The following AHDC1 variants were observed in gnomAD, a reference collection of about 807,000 sequenced individuals.
AHDC1 encodes the protein AT-hook DNA binding motif containing 1, also known as transcription factor Gibbin.
Under a neutral mutation model 87.9 loss-of-function variants are expected in AHDC1, and 7 were observed. The ratio of observed to expected loss-of-function variants is 0.08; its 90% CI spans 0.05 to 0.15. AHDC1 has a LOEUF of 0.15. Ranked by LOEUF, AHDC1 falls within the 10% of genes least tolerant of loss-of-function variation. The pLI is 1.00. For synonymous variants in AHDC1, 1,051 were observed against 1,006.8 expected, an observed-to-expected ratio of 1.04 and a Z score of -0.83; for missense variants, 1,841 against 2,253.2, an observed-to-expected ratio of 0.82 and a Z score of 3.70.
At position 27,550,590 on chromosome 1, in the gene AHDC1, A is replaced by G. The variant is rs980635298; in HGVS notation, c.1526T>C (p.Leu509Pro). The change falls in exon 8 of 9, where the codon CTG (leucine) becomes CCG (proline). Residue 509 changes from leucine (L) to proline (P), a missense_variant. By Grantham distance (98) the Leu-to-Pro change is moderately conservative. Coordinates refer to ENST00000673934, the MANE Select transcript of AHDC1 (RefSeq NM_001371928.1). ...SSSLSVEGKE[L>P]GLRVSAEPTP... ...GGGCTCAGCCGACACGCGCAGGCCCAGCTCCTTGCCCTCCACGCTCAGGCT... is the reference window on the plus strand; with the variant it reads ...GGGCTCAGCCGACACGCGCAGGCCCGGCTCCTTGCCCTCCACGCTCAGGCT... The G allele has an allele frequency of 6.2e-7, 1 of 1,613,806 alleles. No homozygotes were observed. Among genetic ancestry groups the G allele is most frequent in the Non-Finnish European group, 8.5e-7 (1 of 1,180,050 alleles).
At chr1:27,546,893 C>G (rs1027396748) in intron 8 of AHDC1, among the ~76,000 whole-genome samples, 1 of 152,154 alleles carries the variant, frequency 6.6e-6, no homozygotes, top group Non-Finnish European at 1.5e-5. Flanking sequence ...AAATGCCCAC[C>G]CTTATCAGCG....
At chr1:27,572,429 G>A (rs1357968219) in intron 3 of AHDC1, among the ~76,000 whole-genome samples, 2 of 152,096 alleles carry the variant, frequency 1.3e-5, no homozygotes, top group East Asian at 3.8e-4. Context: ...ACCACCGGAT[G>A]GTCCCAGTAC....
chr1:27,566,673 AG>A (rs1055210226), intron 3 of AHDC1, among the ~76,000 whole-genome samples: 2 of 44,976 alleles, frequency 4.4e-5, no homozygotes, highest in South Asian at 1.5e-3. Context: ...GTGAGGAGGG[AG>A]GGGGGTGGAG....
intron 3 of AHDC1, among the ~76,000 whole-genome samples, chr1:27,566,667 G>C (rs1258261469): frequency 7.0e-6 from 1 of 142,716 alleles, no homozygotes; most frequent in Non-Finnish European, 1.5e-5. Context: ...GCAGAGGTGA[G>C]GAGGGAGGGG....
chr1:27,570,832 T>G (rs1017464465), intron 3 of AHDC1, among the ~76,000 whole-genome samples: 15 of 152,100 alleles, frequency 9.9e-5, no homozygotes. Context: ...CCCCAGCTTC[T>G]TGGCTCCCCC....
At chr1:27,545,832 G>A (rs895562736) in intron 8 of AHDC1, among the ~76,000 whole-genome samples, 1 of 152,120 alleles carries the variant, frequency 6.6e-6, no homozygotes. Context: ...TCCTTGAAAA[G>A]ATGGGGAAAC....
intron 3 of AHDC1, among the ~76,000 whole-genome samples, chr1:27,584,878 A>G (rs902559501): frequency 1.3e-5 from 2 of 152,112 alleles, no homozygotes; most frequent in African/African-American, 4.8e-5. Flanking sequence ...TAGGGCATCA[A>G]GGGGGCAGGA....
At chr1:27,574,010 A>AGG (rs1182355725) in intron 3 of AHDC1, among the ~76,000 whole-genome samples, 2 of 152,166 alleles carry the variant, frequency 1.3e-5, no homozygotes, top group Admixed American at 1.3e-4. Flanking sequence ...AGAGGTTGGG[A>AGG]GTTGACACAG....
chr1:27,572,425 G>A (rs1215540128), intron 3 of AHDC1, among the ~76,000 whole-genome samples: 5 of 152,190 alleles, frequency 3.3e-5, no homozygotes, highest in Non-Finnish European at 5.9e-5. Flanking sequence ...AAACACCACC[G>A]GATGGTCCCA....
In AHDC1 at chr1:27,549,144, T is replaced by C; in HGVS notation, c.2972A>G (p.Asp991Gly). 2.6e-6 allele frequency: 4 copies of C among 1,562,784 alleles called. No homozygotes were observed. Among genetic ancestry groups the C allele is most frequent in the Non-Finnish European group, 3.5e-6 (4 of 1,152,570 alleles). Reference protein sequence around the residue: ...FAPTKPFTGQDCANSKDCSFA... With the variant: ...FAPTKPFTGQGCANSKDCSFA... The stretch of plus-strand genomic sequence containing the variant: ...GCTGCAGTCCTTGCTGTTAGCGCAG[T>C]CCTGGCCTGTAAAGGGCTTAGTTGG... The change falls in exon 8 of 9, where the codon GAC becomes GGC. Residue 991 changes from aspartate to glycine, a missense_variant. This residue lies in a region of AHDC1 where 378 missense variants were observed against 399.0 expected (regional missense o/e 0.95). Coordinates refer to ENST00000673934, the MANE Select transcript of AHDC1 (RefSeq NM_001371928.1).
chr1:27,550,849 C>T lies in AHDC1; in HGVS notation c.1267G>A (p.Val423Met). The T allele has an allele frequency of 6.4e-7, 1 of 1,572,508 alleles. No homozygotes were observed. Among genetic ancestry groups the T allele is most frequent in the Non-Finnish European group, 8.6e-7 (1 of 1,162,410 alleles). The change falls in exon 8 of 9, where the codon GTG becomes ATG. Residue 423 changes from valine (V) to methionine (M), a missense_variant. Val to Met is a conservative substitution (Grantham distance 21). Transcript: ENST00000673934. ...GGTGGGGGTTCGGCCAGGGCAGCCA[C>T]CAGCCCCGTGGGCATAGGCAGGGGC... is the stretch of plus-strand genomic sequence containing the variant. ...LLPLPMPTGLVAALAEPPPPP... is the reference protein window; with the variant it reads ...LLPLPMPTGLMAALAEPPPPP...
At chr1:27,564,006 T>G (rs187411475) in intron 3 of AHDC1, among the ~76,000 whole-genome samples, 2 of 152,298 alleles carry the variant, frequency 1.3e-5, no homozygotes, top group African/African-American at 4.8e-5. Context: ...GCTATCACCA[T>G]GTGCTCAGTG....
At chr1:27,575,435 C>T (rs963825206) in intron 3 of AHDC1, among the ~76,000 whole-genome samples, 4 of 152,168 alleles carry the variant, frequency 2.6e-5, no homozygotes, top group Admixed American at 1.3e-4. Flanking sequence ...TCTCTCCACT[C>T]CCGCAGTCTG....
At chr1:27,574,962 G>A (rs899712563) in intron 3 of AHDC1, among the ~76,000 whole-genome samples, 2 of 152,240 alleles carry the variant, frequency 1.3e-5, no homozygotes, top group African/African-American at 4.8e-5. Context: ...GAAAGCTACT[G>A]TCGCCGTCGG....
intron 3 of AHDC1, among the ~76,000 whole-genome samples, chr1:27,602,535 T>C (rs1419933405): frequency 6.6e-6 from 1 of 151,990 alleles, no homozygotes; most frequent in Non-Finnish European, 1.5e-5. Context: ...CCCCTCTGGC[T>C]CTGCCCGGGG....
At chr1:27,588,801 A>G (rs768540269) in intron 3 of AHDC1, among the ~76,000 whole-genome samples, 2 of 152,144 alleles carry the variant, frequency 1.3e-5, no homozygotes, top group Non-Finnish European at 2.9e-5. Context: ...TACGCATGCC[A>G]TGACGGCTTG....
chr1:27,600,422 G>A (rs1160261734), intron 3 of AHDC1, among the ~76,000 whole-genome samples: 4 of 151,676 alleles, frequency 2.6e-5, no homozygotes, highest in African/African-American at 7.3e-5. Context: ...CCTGGTCTTG[G>A]GTGGCTGGCA....
intron 3 of AHDC1, among the ~76,000 whole-genome samples, chr1:27,597,397 C>T (rs1010806321): frequency 6.8e-6 from 1 of 146,990 alleles, no homozygotes; most frequent in Non-Finnish European, 1.5e-5. Context: ...GAGAGAGAGA[C>T]GCAGGGCCTG....
At chr1:27,567,909 T>TG (rs2020394537) in intron 3 of AHDC1, 1 of 152,160 alleles carries the variant, frequency 6.6e-6, no homozygotes, top group South Asian at 2.1e-4. Context: ...AGGCCTCCTA[T>TG]GGGGAAAGGT....
Sources: allele counts gnomAD v4.1 joint callset (sites outside exome capture counted in the v4.1 genomes callset), GRCh38; gene constraint gnomAD v4.1.1; regional missense constraint gnomAD v4.1.1; transcripts MANE v1.5; gene names NCBI Gene and HGNC (gene_info 2026-07-23, HGNC 2026-07-21).